GXYLT2: variants seen among roughly 807,000 people sequenced by gnomAD.
The protein encoded by GXYLT2 is glycosyltransferase 8 domain containing 4.
GXYLT2 carries 53 observed loss-of-function variants against 45.8 expected under a neutral mutation model. The ratio of observed to expected loss-of-function variants is 1.16; its 90% CI spans 0.93 to 1.46. The LOEUF is 1.46. Ranked by LOEUF, GXYLT2 falls within the 40% of genes most tolerant of loss-of-function variation. The pLI, the probability that GXYLT2 is intolerant of heterozygous loss-of-function variation, is 0.00. For synonymous variants in GXYLT2, 219 were observed against 214.2 expected, an observed-to-expected ratio of 1.02 and a Z score of -0.19; for missense variants, 551 against 544.4, an observed-to-expected ratio of 1.01 and a Z score of -0.12.
chr3:72,974,025 C>T (rs9830942), intron 6 of GXYLT2, among the ~76,000 whole-genome samples: 102,984 of 151,994 alleles, frequency 0.68, 35,170 homozygotes, highest in Admixed American at 0.76. Flanking sequence ...ACACCCACCT[C>T]TCCTGTTAGG....
intron 1 of GXYLT2, among the ~76,000 whole-genome samples, chr3:72,900,282 T>C (rs1709379535): frequency 1.3e-5 from 2 of 152,232 alleles, no homozygotes; most frequent in Non-Finnish European, 2.9e-5. Flanking sequence ...AGAGGAAGCA[T>C]GGAAGTTGCT....
chr3:72,955,067 TC>T (rs1440584611), intron 3 of GXYLT2, 30 bp from the exon 4 acceptor site: 2 of 1,604,404 alleles, frequency 1.2e-6, no homozygotes, highest in Non-Finnish European at 1.7e-6. Context: ...TTCCCTCCTC[TC>T]CCCTTTACAC....
chr3:72,975,570 C>G lies in GXYLT2; in HGVS notation c.*411C>G, dbSNP rs200024754. 1.1e-4 allele frequency: 18 copies of G among 159,166 alleles called. No individual in the cohort carries two copies. Among genetic ancestry groups the G allele is most frequent in the East Asian group, 1.1e-3 (6 of 5,416 alleles). The allele number at this position is 159,166 out of a possible 1,614,324, so 9.9% of individuals were successfully genotyped here. A position where few individuals can be genotyped will look rare whatever the true frequency, so the allele number is the denominator to read the frequency against. Reference sequence around the variant, plus strand: ...ACCCGTGTTATAAAAGTAATACACACTTTTGAAACAGAGAGACACACTTGT... The same window carrying G: ...ACCCGTGTTATAAAAGTAATACACAGTTTTGAAACAGAGAGACACACTTGT... On this transcript the variant is annotated 3_prime_UTR_variant, in exon 7 of 7. Coordinates refer to ENST00000389617, the MANE Select transcript of GXYLT2 (RefSeq NM_001080393.2).
At chr3:72,957,643 G>A (rs1026624328) in intron 5 of GXYLT2, among the ~76,000 whole-genome samples, 5 of 152,194 alleles carry the variant, frequency 3.3e-5, no homozygotes, top group Non-Finnish European at 5.9e-5. Context: ...AGTTAAAATT[G>A]ATGTGAGGCG....
intron 3 of GXYLT2, among the ~76,000 whole-genome samples, chr3:72,952,273 C>T (rs1710543103): frequency 6.6e-6 from 1 of 151,984 alleles, no homozygotes; most frequent in Non-Finnish European, 1.5e-5. Context: ...AGGCACCGTG[C>T]CTGGCTTAGA....
At chr3:72,956,756 G>A (rs1398534715) in intron 4 of GXYLT2, among the ~76,000 whole-genome samples, 1 of 151,966 alleles carries the variant, frequency 6.6e-6, no homozygotes, top group Non-Finnish European at 1.5e-5. Flanking sequence ...CGGGCGTGAT[G>A]GCGTGCACCC....
At chr3:72,946,854 C>T (rs1294551837) in intron 3 of GXYLT2, among the ~76,000 whole-genome samples, 1 of 152,070 alleles carries the variant, frequency 6.6e-6, no homozygotes, top group African/African-American at 2.4e-5. Flanking sequence ...AGACAGGTCT[C>T]CATCTGTTGC....
intron 5 of GXYLT2, among the ~76,000 whole-genome samples, chr3:72,958,225 A>G (rs1411496556): frequency 6.6e-6 from 1 of 150,856 alleles, no homozygotes; most frequent in African/African-American, 2.4e-5. Flanking sequence ...GTGAGCCAAG[A>G]TTGCTCCACT....
chr3:72,968,913 T>C (rs190150053), intron 6 of GXYLT2, among the ~76,000 whole-genome samples: 2 of 150,850 alleles, frequency 1.3e-5, no homozygotes, highest in Non-Finnish European at 1.5e-5. Context: ...AAAAAAAAAA[T>C]TTTTTTTTGG....
chr3:72,891,131 A>G (rs942413576), intron 1 of GXYLT2, among the ~76,000 whole-genome samples: 1 of 152,118 alleles, frequency 6.6e-6, no homozygotes, highest in African/African-American at 2.4e-5. Flanking sequence ...GGGAAGAGAA[A>G]GCCTCGTGTT....
At chr3:72,961,939 A>G (rs1710778383) in intron 5 of GXYLT2, among the ~76,000 whole-genome samples, 1 of 152,224 alleles carries the variant, frequency 6.6e-6, no homozygotes, top group Non-Finnish European at 1.5e-5. Context: ...GGAAGAGAGA[A>G]GAGCTGAAAT....
intron 3 of GXYLT2, among the ~76,000 whole-genome samples, chr3:72,951,688 G>T (rs1193064260): frequency 6.6e-6 from 1 of 152,142 alleles, no homozygotes; most frequent in Non-Finnish European, 1.5e-5. Flanking sequence ...TTTGAAATAT[G>T]ATCTACATAC....
chr3:72,929,136 C>T, intron 3 of GXYLT2: 1 of 1,588,428 alleles, frequency 6.3e-7, no homozygotes, highest in Non-Finnish European at 8.5e-7. Context: ...CTCTACGCCT[C>T]CTACGTTTAC....
At chr3:72,912,013 ATTT>A (rs35108267) in intron 2 of GXYLT2, among the ~76,000 whole-genome samples, 1 of 114,922 alleles carries the variant, frequency 8.7e-6, no homozygotes, top group Admixed American at 9.2e-5. Context: ...ATATATATAT[ATTT>A]TTTTTTTTTT....
At chr3:72,928,920 A>C in intron 3 of GXYLT2, 2 of 704,986 alleles carry the variant, frequency 2.8e-6, no homozygotes, top group Non-Finnish European at 2.5e-6. Context: ...TTCGTCCCCC[A>C]TCCCGGCCGG....
chr3:72,969,627 G>A (rs1180112985), intron 6 of GXYLT2, among the ~76,000 whole-genome samples: 13 of 151,960 alleles, frequency 8.6e-5, no homozygotes, highest in Non-Finnish European at 1.8e-4. Context: ...CTGAGCCATC[G>A]TGCCTGGCCA....
intron 1 of GXYLT2, among the ~76,000 whole-genome samples, chr3:72,901,279 A>C (rs1358080601): frequency 4.5e-5 from 6 of 132,264 alleles, no homozygotes; most frequent in Admixed American, 8.2e-5. Context: ...ACAGATCTAG[A>C]CTCTGTCTCA....
intron 2 of GXYLT2, among the ~76,000 whole-genome samples, chr3:72,912,358 C>T (rs1483162823): frequency 6.6e-6 from 1 of 151,956 alleles, no homozygotes; most frequent in Non-Finnish European, 1.5e-5. Flanking sequence ...CTATGTTGCC[C>T]AGGCTGGTTT....
intron 6 of GXYLT2, among the ~76,000 whole-genome samples, chr3:72,968,618 G>T (rs1710919299): frequency 6.6e-6 from 1 of 152,220 alleles, no homozygotes; most frequent in Non-Finnish European, 1.5e-5. Context: ...CCTTCTCACT[G>T]CCAAGGGGCA....
Sources: gnomAD v4.1 joint callset for allele counts (sites outside exome capture counted in the v4.1 genomes callset) on GRCh38, gnomAD v4.1.1 for gene constraint, MANE v1.5 for transcripts, NCBI Gene and HGNC (gene_info 2026-07-23, HGNC 2026-07-21) for gene names.